Variants in FBXL4 observed in about 807,000 individuals in gnomAD.
The protein encoded by FBXL4 is F-box and leucine rich repeat protein 4, also known as F-box/LRR-repeat protein 4.
Under a neutral mutation model 58.9 loss-of-function variants are expected in FBXL4, and 40 were observed. The observed-to-expected ratio is 0.68, with a 90% confidence interval of 0.53 to 0.88. The LOEUF is 0.88. Among genes scored for constraint, FBXL4 ranks in the 40% least tolerant of loss-of-function variants. FBXL4 has a pLI of 0.00. For missense variants in FBXL4, 676 were observed against 734.4 expected (o/e 0.92, Z 0.92); for synonymous variants, 263 against 265.5 (o/e 0.99, Z 0.09).
At chr6:98,878,002 C>G (rs908251364) in intron 8 of FBXL4, among the ~76,000 whole-genome samples, 3 of 152,158 alleles carry the variant, frequency 2.0e-5, no homozygotes, top group African/African-American at 7.2e-5. Context: ...AAGTTCTTGT[C>G]ACTGCAAATC....
At chr6:98,936,652 C>T (rs1773229680) in intron 1 of FBXL4, among the ~76,000 whole-genome samples, 1 of 152,084 alleles carries the variant, frequency 6.6e-6, no homozygotes, top group Non-Finnish European at 1.5e-5. Context: ...TAGCCTATTT[C>T]ATTGTAAGAA....
intron 5 of FBXL4, among the ~76,000 whole-genome samples, chr6:98,912,720 T>G (rs1582415283): frequency 2.0e-5 from 3 of 151,788 alleles, no homozygotes; most frequent in East Asian, 3.9e-4. Flanking sequence ...TGCTGCAAAA[T>G]CACGCCAAAA....
intron 1 of FBXL4, among the ~76,000 whole-genome samples, chr6:98,943,068 A>C (rs1213796122): frequency 1.3e-5 from 2 of 151,908 alleles, no homozygotes; most frequent in African/African-American, 4.8e-5. Context: ...GTACAAGTAA[A>C]ACTGGTGAAA....
intron 4 of FBXL4, among the ~76,000 whole-genome samples, chr6:98,920,819 T>TACATAC (rs1554221589): frequency 2.1e-5 from 3 of 144,844 alleles, no homozygotes; most frequent in Admixed American, 6.9e-5. Context: ...TACACACACA[T>TACATAC]ACACACACAC....
intron 7 of FBXL4, among the ~76,000 whole-genome samples, chr6:98,898,100 C>T (rs1274678315): frequency 6.6e-6 from 1 of 151,910 alleles, no homozygotes; most frequent in Non-Finnish European, 1.5e-5. Flanking sequence ...AGGAAACAAA[C>T]TAGAAGGGGT....
chr6:98,895,897 A>G (rs1162282238), intron 7 of FBXL4, among the ~76,000 whole-genome samples: 1 of 152,142 alleles, frequency 6.6e-6, no homozygotes, highest in East Asian at 1.9e-4. Flanking sequence ...ATTGTATCAT[A>G]AACTGGTCTC....
intron 1 of FBXL4, among the ~76,000 whole-genome samples, chr6:98,939,756 A>G (rs749253533): frequency 1.3e-5 from 2 of 152,270 alleles, no homozygotes; most frequent in Admixed American, 1.3e-4. Context: ...TAAGGGTCCC[A>G]TGGTGTTATT....
In FBXL4 at chr6:98,905,429, C is replaced by T; in HGVS notation, c.1100G>A (p.Ser367Asn). 6.2e-7 allele frequency: 1 copy of T among 1,613,960 alleles called. No individual in the cohort carries two copies. Among genetic ancestry groups the T allele is most frequent in the Non-Finnish European group, 8.5e-7 (1 of 1,179,868 alleles). The change falls in exon 6 of 10, where the codon AGC becomes AAC. Residue 367 changes from serine (S) to asparagine (N), a missense_variant. Ser to Asn is a conservative substitution (Grantham distance 46). Coordinates refer to ENST00000369244, the MANE Select transcript of FBXL4 (RefSeq NM_001278716.2). ...NRGFISVAGF[S>N]RFLKVCGSEL... Reference sequence around the variant, plus strand: ...TTCATCAAGGCTTTGTACTAACCTGCTAAATCCTGCAACAGAGATGAAGCC... The same window carrying T: ...TTCATCAAGGCTTTGTACTAACCTGTTAAATCCTGCAACAGAGATGAAGCC...
rs142391740 is a variant in FBXL4, at chr6:98,919,214, A to G, written c.513-1495T>C. Among the ~76,000 whole-genome samples the G allele has an allele frequency of 4.0e-3, 602 of 152,302 alleles. 1 individual carries two copies. The highest frequency in any genetic ancestry group is 6.1e-3 in the Non-Finnish European group (414 of 68,002). ...GGGAAGTATGGCAATTTCTACCTTC[A>G]GGAATAAAAGCAAACTCCAAAGGAA... On this transcript the variant is annotated intron_variant, in intron 4 of 9. Coordinates refer to ENST00000369244, the MANE Select transcript of FBXL4 (RefSeq NM_001278716.2).
At chr6:98,875,320 T>A in intron 9 of FBXL4, 95 bp downstream of exon 9, 2 of 1,174,164 alleles carry the variant, frequency 1.7e-6, no homozygotes, top group Non-Finnish European at 2.5e-6. Flanking sequence ...TTTTATTGTA[T>A]CCAAAAATTT....
rs138755695 is a variant in FBXL4 at position 98,943,071 on chromosome 6, T to C, written c.-309+4735A>G. ...GCACAGGGATGGGTACAAGTAAAAC[T>C]GGTGAAATCTGAATAAGGTCTATAG... On this transcript the variant is annotated intron_variant, in intron 1 of 9. Transcript: ENST00000369244. 1.9e-3 allele frequency among the ~76,000 whole-genome samples: 284 copies of C among 151,942 alleles called. 2 individuals are homozygous for C. The highest frequency in any genetic ancestry group is 6.5e-3 in the African/African-American group (270 of 41,328).
At chr6:98,877,088 T>A (rs764248939) in intron 8 of FBXL4, among the ~76,000 whole-genome samples, 16 of 152,046 alleles carry the variant, frequency 1.1e-4, no homozygotes, top group Non-Finnish European at 2.1e-4. Context: ...GTGGCAATGA[T>A]GGAATGAAGA....
chr6:98,947,534 C>A (rs953237279), intron 1 of FBXL4, among the ~76,000 whole-genome samples: 1 of 152,226 alleles, frequency 6.6e-6, no homozygotes, highest in Admixed American at 6.5e-5. Flanking sequence ...CACGTCCGAA[C>A]GACGCCTCAC....
At chr6:98,928,175 G>T (rs1417070635) in intron 2 of FBXL4, among the ~76,000 whole-genome samples, 1 of 152,058 alleles carries the variant, frequency 6.6e-6, no homozygotes, top group Admixed American at 6.5e-5. Context: ...GGCCACTCTC[G>T]TTCCCAGCCA....
intron 1 of FBXL4, among the ~76,000 whole-genome samples, chr6:98,947,594 T>C (rs1308725103): frequency 1.3e-5 from 2 of 152,250 alleles, no homozygotes; most frequent in Non-Finnish European, 1.5e-5. Flanking sequence ...ACGTCAGCAG[T>C]TCTCAAGGGC....
At chr6:98,917,284 C>T in intron 5 of FBXL4, 90 bp downstream of exon 5, 1 of 882,100 alleles carries the variant, frequency 1.1e-6, no homozygotes, top group Admixed American at 2.7e-5. Flanking sequence ...TACCAATGCT[C>T]AATTACCGAT....
At chr6:98,915,556 A>G (rs1165778412) in intron 5 of FBXL4, among the ~76,000 whole-genome samples, 10 of 151,560 alleles carry the variant, frequency 6.6e-5, no homozygotes, top group South Asian at 6.3e-4. Context: ...CCTGAGAAAA[A>G]CAAGCAATGG....
At chr6:98,907,985 C>G (rs1034053041) in intron 5 of FBXL4, among the ~76,000 whole-genome samples, 4 of 152,166 alleles carry the variant, frequency 2.6e-5, no homozygotes, top group Non-Finnish European at 4.4e-5. Context: ...TGAACCCAAT[C>G]TCTCTCAGAC....
At chr6:98,925,398 T>C (rs1562244513) in intron 4 of FBXL4, among the ~76,000 whole-genome samples, 1 of 152,132 alleles carries the variant, frequency 6.6e-6, no homozygotes, top group Non-Finnish European at 1.5e-5. Context: ...TAAGAATAAA[T>C]TGTTAAAATG....
Sources: gnomAD v4.1 joint callset for allele counts (sites outside exome capture counted in the v4.1 genomes callset) on GRCh38, gnomAD v4.1.1 for gene constraint, MANE v1.5 for transcripts, NCBI Gene and HGNC (gene_info 2026-07-23, HGNC 2026-07-21) for gene names.